Variants in UQCC1 observed in about 807,000 individuals in gnomAD.
The protein encoded by UQCC1 is ubiquinol-cytochrome c reductase complex assembly factor 1, also known as bFGF-repressed Zic-binding protein.
In UQCC1, 38 loss-of-function variants were observed where a neutral mutation model predicts 48.0. The ratio of observed to expected loss-of-function variants is 0.79; its 90% CI spans 0.61 to 1.04. The LOEUF (loss-of-function observed/expected upper bound fraction) is 1.04. Ranked by LOEUF, UQCC1 falls within the 50% of genes least tolerant of loss-of-function variation. The probability of loss-of-function intolerance (pLI) is 0.00; values close to 1 mark genes in which losing one functional copy is unlikely to be tolerated. For missense variants in UQCC1, 368 were observed against 381.8 expected (o/e 0.96, Z 0.30); for synonymous variants, 111 against 129.2 (o/e 0.86, Z 0.95).
chr20:35,393,397 A>G (rs982438873), intron 2 of UQCC1, among the ~76,000 whole-genome samples: 5 of 152,082 alleles, frequency 3.3e-5, no homozygotes, highest in Non-Finnish European at 5.9e-5. Flanking sequence ...GTCCACTCTA[A>G]TAAGTGAAAA....
At chr20:35,372,696 T>C (rs1196073072) in intron 5 of UQCC1, among the ~76,000 whole-genome samples, 1 of 151,992 alleles carries the variant, frequency 6.6e-6, no homozygotes, top group Non-Finnish European at 1.5e-5. Context: ...CCAAACCCTG[T>C]CTCTACTAAA....
chr20:35,340,604 C>G (rs942797610), intron 7 of UQCC1, among the ~76,000 whole-genome samples: 19 of 152,316 alleles, frequency 1.2e-4, no homozygotes, highest in African/African-American at 4.3e-4. Flanking sequence ...CCCACCTCAG[C>G]CTCCCACAGA....
chr20:35,388,227 C>A (rs1223731532), intron 2 of UQCC1, among the ~76,000 whole-genome samples: 1 of 151,976 alleles, frequency 6.6e-6, no homozygotes, highest in Non-Finnish European at 1.5e-5. Flanking sequence ...AGTGATCAGC[C>A]CACCTTAGCC....
chr20:35,384,113 G>A lies in UQCC1; in HGVS notation c.150C>T (p.Ser50=). The A allele has an allele frequency of 6.2e-7, 1 of 1,612,626 alleles. No homozygotes were observed. The highest frequency in any genetic ancestry group is 8.5e-7 in the Non-Finnish European group (1 of 1,178,858). Residue 50 remains serine, a synonymous_variant, in exon 3 of 10, where the codon TCC becomes TCT. Transcript: ENST00000374385. ...TCTGTTCTGATCCACCACATGCTCGGGACTGGCTCATCTGGGGCCACTGAA... is the reference window on the plus strand; with the variant it reads ...TCTGTTCTGATCCACCACATGCTCGAGACTGGCTCATCTGGGGCCACTGAA... ...RTSQWPQMSQ[S]RACGGSEQIP...
At chr20:35,324,484 G>A (rs150538438) in intron 7 of UQCC1, among the ~76,000 whole-genome samples, 6,936 of 152,124 alleles carry the variant, frequency 0.046, 247 homozygotes, top group South Asian at 0.1. Context: ...CCACCACCAC[G>A]CCCAGCTAAT....
chr20:35,359,985 G>T (rs1417060112), intron 6 of UQCC1, among the ~76,000 whole-genome samples: 1 of 152,176 alleles, frequency 6.6e-6, no homozygotes. Flanking sequence ...AGTTGGGTGA[G>T]GCACTTCCTG....
At chr20:35,405,312 A>T (rs2146544429) in intron 1 of UQCC1, among the ~76,000 whole-genome samples, 1 of 152,328 alleles carries the variant, frequency 6.6e-6, no homozygotes, top group South Asian at 2.1e-4. Flanking sequence ...AAGAATACAG[A>T]CTACAGAATC....
At chr20:35,353,475 GA>G (rs1346113913) in intron 6 of UQCC1, among the ~76,000 whole-genome samples, 1 of 150,406 alleles carries the variant, frequency 6.6e-6, no homozygotes, top group African/African-American at 2.4e-5. Flanking sequence ...TATTATTGAA[GA>G]AAAAATTTCA....
chr20:35,384,192 A>G (rs2061910268), intron 2 of UQCC1, 59 bp from the exon 3 acceptor site: 3 of 1,444,560 alleles, frequency 2.1e-6, no homozygotes, highest in Non-Finnish European at 2.9e-6. Flanking sequence ...TAATCTGAAC[A>G]GAGCTGTTTC....
chr20:35,346,945 A>T, intron 7 of UQCC1: 1 of 1,478,292 alleles, frequency 6.8e-7, no homozygotes, highest in Non-Finnish European at 9.0e-7. Context: ...GGATGACTTC[A>T]CACTGACAAA....
At chr20:35,363,028 T>TAAAAAAAAAAAAAAAAAAAAAAAAAA (rs60988214) in intron 6 of UQCC1, among the ~76,000 whole-genome samples, 1 of 80,698 alleles carries the variant, frequency 1.2e-5, no homozygotes, top group Admixed American at 1.3e-4. Context: ...TCCTTAAAAC[T>TAAAAAAAAAAAAAAAAAAAAAAAAAA]AAAAAAAAAA....
chr20:35,328,808 C>T (rs1250267888), intron 7 of UQCC1, among the ~76,000 whole-genome samples: 1 of 152,182 alleles, frequency 6.6e-6, no homozygotes, highest in Non-Finnish European at 1.5e-5. Context: ...CTGGAAGAAG[C>T]CTGCAGTGAA....
At chr20:35,402,498 A>G (rs2062179225) in intron 1 of UQCC1, among the ~76,000 whole-genome samples, 1 of 151,936 alleles carries the variant, frequency 6.6e-6, no homozygotes, top group South Asian at 2.1e-4. Context: ...GAATGGCGTG[A>G]ACCTGGGAGG....
intron 6 of UQCC1, among the ~76,000 whole-genome samples, chr20:35,350,019 C>CAA (rs2061473102): frequency 6.6e-6 from 1 of 151,688 alleles, no homozygotes; most frequent in African/African-American, 2.4e-5. Context: ...AACAAACAAA[C>CAA]AAAACCAAAG....
At chr20:35,375,732 G>C (rs970497866) in intron 4 of UQCC1, among the ~76,000 whole-genome samples, 4 of 151,158 alleles carry the variant, frequency 2.6e-5, no homozygotes, top group Non-Finnish European at 5.9e-5. Flanking sequence ...AGGCAGATCG[G>C]CTGAGCCCAG....
At chr20:35,367,867 AC>A (rs953953332) in intron 5 of UQCC1, among the ~76,000 whole-genome samples, 4 of 151,786 alleles carry the variant, frequency 2.6e-5, no homozygotes, top group Admixed American at 2.0e-4. Context: ...GCTGTTCATC[AC>A]CCCCCCAGAA....
intron 6 of UQCC1, among the ~76,000 whole-genome samples, chr20:35,348,623 C>A (rs1279368647): frequency 6.6e-6 from 1 of 151,982 alleles, no homozygotes; most frequent in South Asian, 2.1e-4. Flanking sequence ...ATCTCCTGAC[C>A]TGTGATCCAC....
intron 2 of UQCC1, among the ~76,000 whole-genome samples, chr20:35,390,262 T>A (rs537548287): frequency 6.6e-6 from 1 of 151,940 alleles, no homozygotes; most frequent in Admixed American, 6.6e-5. Flanking sequence ...CCGTCTCTAC[T>A]AAAAATACAA....
intron 1 of UQCC1, among the ~76,000 whole-genome samples, chr20:35,401,519 C>A (rs897186752): frequency 3.3e-5 from 5 of 152,132 alleles, no homozygotes; most frequent in African/African-American, 9.7e-5. Flanking sequence ...ATTTCTTACC[C>A]CTCTGCAAAT....
Sources: gnomAD v4.1 joint callset for allele counts (sites outside exome capture counted in the v4.1 genomes callset) on GRCh38, gnomAD v4.1.1 for gene constraint, MANE v1.5 for transcripts, NCBI Gene and HGNC (gene_info 2026-07-23, HGNC 2026-07-21) for gene names.